Variants in CDH12 observed in about 807,000 individuals in gnomAD.
The protein encoded by CDH12 is cadherin 12.
Under a neutral mutation model 74.1 loss-of-function variants are expected in CDH12, and 41 were observed. The ratio of observed to expected loss-of-function variants is 0.55; its 90% CI spans 0.43 to 0.72. The LOEUF (loss-of-function observed/expected upper bound fraction) is 0.72. CDH12 is among the 30% of genes least tolerant of loss of function. The pLI is 0.00. For missense variants in CDH12, 945 were observed against 977.2 expected, an observed-to-expected ratio of 0.97 and a Z score of 0.44; for synonymous variants, 399 against 355.0, an observed-to-expected ratio of 1.12 and a Z score of -1.39.
chr5:22,254,811 A>T (rs1753258883), intron 3 of CDH12, among the ~76,000 whole-genome samples: 1 of 151,850 alleles, frequency 6.6e-6, no homozygotes. Context: ...TTTGATACAA[A>T]CATACCATGT....
At chr5:22,340,480 C>A (rs544110250) in intron 3 of CDH12, among the ~76,000 whole-genome samples, 1 of 150,210 alleles carries the variant, frequency 6.7e-6, no homozygotes, top group East Asian at 2.0e-4. Flanking sequence ...GAGCCGAGAT[C>A]GCACCACTGC....
intron 1 of CDH12, among the ~76,000 whole-genome samples, chr5:22,787,310 T>A (rs1747687916): frequency 6.6e-6 from 1 of 152,206 alleles, no homozygotes; most frequent in African/African-American, 2.4e-5. Flanking sequence ...ATACTTAAAC[T>A]AAAGGCACAC....
At chr5:22,810,015 C>A (rs1749057398) in intron 1 of CDH12, among the ~76,000 whole-genome samples, 2 of 151,930 alleles carry the variant, frequency 1.3e-5, no homozygotes, top group Admixed American at 1.3e-4. Context: ...TGAATTAACA[C>A]CTATGTTGTT....
intron 1 of CDH12, among the ~76,000 whole-genome samples, chr5:22,528,002 G>A (rs1210112798): frequency 6.6e-6 from 1 of 151,988 alleles, no homozygotes; most frequent in Non-Finnish European, 1.5e-5. Context: ...ATGTTTCCTG[G>A]ATTTCTGTCT....
At position 22,701,397 on chromosome 5, in the gene CDH12, C is replaced by T. The variant is rs967544183; in HGVS notation, c.-523+151661G>A. Among the ~76,000 whole-genome samples the T allele has an allele frequency of 1.2e-4, 18 of 152,098 alleles. No individual in the cohort carries two copies. The East Asian group carries it at 3.3e-3, about 28-fold the overall frequency. On this transcript the variant is annotated intron_variant, in intron 1 of 14. Transcript: ENST00000382254. ...TACTGTAAACACCATCATTGAATCCCTATTCTACAGCAATAAGATTAAAAA... is the reference window on the plus strand; with the variant it reads ...TACTGTAAACACCATCATTGAATCCTTATTCTACAGCAATAAGATTAAAAA...
At chr5:22,846,706 A>T (rs1248802129) in intron 1 of CDH12, among the ~76,000 whole-genome samples, 1 of 152,114 alleles carries the variant, frequency 6.6e-6, no homozygotes, top group Non-Finnish European at 1.5e-5. Context: ...TGCTTTTGTG[A>T]TGTTTTGTGT....
At chr5:22,753,408 G>T (rs1430828019) in intron 1 of CDH12, among the ~76,000 whole-genome samples, 1 of 149,598 alleles carries the variant, frequency 6.7e-6, no homozygotes, top group South Asian at 2.1e-4. Context: ...TTGCACTTTA[G>T]CCTGGGAGAC....
At chr5:22,775,074 T>C (rs1040071003) in intron 1 of CDH12, among the ~76,000 whole-genome samples, 1 of 151,394 alleles carries the variant, frequency 6.6e-6, no homozygotes, top group Non-Finnish European at 1.5e-5. Context: ...TTAGAATATA[T>C]ATATTATATA....
At chr5:22,204,472 T>C (rs114900186) in intron 4 of CDH12, among the ~76,000 whole-genome samples, 8,517 of 152,346 alleles carry the variant, frequency 0.056, 268 homozygotes, top group Non-Finnish European at 0.062. Flanking sequence ...AATTCACATG[T>C]ATTTTTTTAA....
chr5:22,801,424 TTTAAAAAGAGG>T (rs1421974895), intron 1 of CDH12, among the ~76,000 whole-genome samples: 1 of 152,008 alleles, frequency 6.6e-6, no homozygotes, highest in African/African-American at 2.4e-5. Flanking sequence ...GGCATCAACT[TTTAAAAAGAGG>T]TTTTTTGCCT....
intron 1 of CDH12, among the ~76,000 whole-genome samples, chr5:22,548,504 T>A (rs750414459): frequency 9.9e-5 from 15 of 152,102 alleles, no homozygotes; most frequent in Non-Finnish European, 1.8e-4. Context: ...TTTTTTTCCA[T>A]TTAAAATGCC....
At chr5:22,743,089 T>G (rs1162455326) in intron 1 of CDH12, among the ~76,000 whole-genome samples, 1 of 151,518 alleles carries the variant, frequency 6.6e-6, no homozygotes, top group Non-Finnish European at 1.5e-5. Flanking sequence ...CTCTTTCCAG[T>G]ACTTCAGCTT....
chr5:22,396,333 C>T (rs1742457596), intron 3 of CDH12, among the ~76,000 whole-genome samples: 1 of 152,090 alleles, frequency 6.6e-6, no homozygotes, highest in Non-Finnish European at 1.5e-5. Context: ...TCTCCAGTTA[C>T]TCCTGTGGAG....
intron 3 of CDH12, among the ~76,000 whole-genome samples, chr5:22,387,837 C>T (rs988105787): frequency 6.6e-6 from 1 of 152,002 alleles, no homozygotes; most frequent in South Asian, 2.1e-4. Flanking sequence ...ATATCTGCTC[C>T]CAGAGCTTTT....
At chr5:22,849,716 C>T (rs185018830) in intron 1 of CDH12, among the ~76,000 whole-genome samples, 1 of 151,992 alleles carries the variant, frequency 6.6e-6, no homozygotes, top group South Asian at 2.1e-4. Context: ...TCACTAGAAC[C>T]TTCACAGATA....
intron 1 of CDH12, among the ~76,000 whole-genome samples, chr5:22,743,214 A>AT (rs780166618): frequency 6.7e-6 from 1 of 150,294 alleles, no homozygotes; most frequent in East Asian, 1.9e-4. Flanking sequence ...TTGCTCACTC[A>AT]TACTGCAAAT....
intron 3 of CDH12, among the ~76,000 whole-genome samples, chr5:22,294,969 T>G (rs1239646954): frequency 6.6e-6 from 1 of 152,142 alleles, no homozygotes; most frequent in East Asian, 1.9e-4. Context: ...GTCTCCCAGT[T>G]TCTGTGAGTG....
At chr5:22,513,913 A>T (rs1190938945) in intron 1 of CDH12, among the ~76,000 whole-genome samples, 1 of 146,860 alleles carries the variant, frequency 6.8e-6, no homozygotes, top group Non-Finnish European at 1.5e-5. Flanking sequence ...CTGCCACTGC[A>T]CTCCAGCCCG....
intron 4 of CDH12, among the ~76,000 whole-genome samples, chr5:22,158,198 G>A (rs1284540612): frequency 6.6e-6 from 1 of 151,918 alleles, no homozygotes; most frequent in Non-Finnish European, 1.5e-5. Flanking sequence ...AGGCTACTTA[G>A]TACTACTTAA....
Sources: allele counts gnomAD v4.1 joint callset (sites outside exome capture counted in the v4.1 genomes callset), GRCh38; gene constraint gnomAD v4.1.1; transcripts MANE v1.5; gene names NCBI Gene and HGNC (gene_info 2026-07-23, HGNC 2026-07-21).